CAMTA1: variants seen among roughly 807,000 people sequenced by gnomAD.
CAMTA1 encodes the protein calmodulin binding transcription activator 1.
Under a neutral mutation model 170.9 loss-of-function variants are expected in CAMTA1, and 27 were observed. The ratio of observed to expected loss-of-function variants is 0.16; its 90% CI spans 0.12 to 0.22. CAMTA1 has a LOEUF of 0.22. Ranked by LOEUF, CAMTA1 falls within the 10% of genes least tolerant of loss-of-function variation. The pLI, the probability that CAMTA1 is intolerant of heterozygous loss-of-function variation, is 1.00. For synonymous variants in CAMTA1, 833 were observed against 891.5 expected (o/e 0.93, Z 1.17); for missense variants, 1,619 against 2,217.2 (o/e 0.73, Z 5.42).
In CAMTA1 at chr1:7,536,958, C is replaced by T. The variant is rs117121656; in HGVS notation, c.510+69057C>T. ...TGCCCACATCTTCCTCGTCCCTCTG[C>T]CATCTCAAGACATCACCTGCTCCAG... On this transcript the variant is annotated intron_variant, in intron 6 of 22. Transcript: ENST00000303635. Among the ~76,000 whole-genome samples, 101 of 152,230 alleles carry T rather than the reference C, an allele frequency of 6.6e-4. 2 individuals are homozygous for T. The East Asian group carries it at 0.018, about 27-fold the overall frequency.
chr1:7,501,821 C>G (rs2094010364), intron 6 of CAMTA1, among the ~76,000 whole-genome samples: 1 of 152,104 alleles, frequency 6.6e-6, no homozygotes, highest in African/African-American at 2.4e-5. Flanking sequence ...TCTGGGGGTT[C>G]TAGGATGCAT....
intron 6 of CAMTA1, among the ~76,000 whole-genome samples, chr1:7,483,365 G>A (rs770658398): frequency 1.3e-5 from 2 of 152,120 alleles, no homozygotes; most frequent in African/African-American, 2.4e-5. Context: ...CCGTGGCAGC[G>A]ACAAGAAGCC....
intron 5 of CAMTA1, among the ~76,000 whole-genome samples, chr1:7,260,442 C>T (rs1376271008): frequency 6.6e-6 from 1 of 152,232 alleles, no homozygotes; most frequent in East Asian, 1.9e-4. Flanking sequence ...TAGGCAATGT[C>T]TCTTGCAAAG....
intron 5 of CAMTA1, among the ~76,000 whole-genome samples, chr1:7,323,507 C>CTTTTTTTTTTTTT (rs56382342): frequency 3.1e-4 from 34 of 108,984 alleles, no homozygotes; most frequent in African/African-American, 3.8e-4. Flanking sequence ...CTTTATTCTT[C>CTTTTTTTTTTTTT]TTTTTTTTTT....
chr1:7,156,228 C>T (rs1312342378), intron 4 of CAMTA1, among the ~76,000 whole-genome samples: 11 of 150,000 alleles, frequency 7.3e-5, no homozygotes, highest in African/African-American at 2.2e-4. Context: ...GAGCTGAGAT[C>T]GCCCCACTGC....
intron 5 of CAMTA1, among the ~76,000 whole-genome samples, chr1:7,400,698 G>T (rs1055007575): frequency 6.6e-6 from 1 of 152,128 alleles, no homozygotes; most frequent in Non-Finnish European, 1.5e-5. Context: ...CATTGGCTTT[G>T]GTTCCAGGTA....
intron 3 of CAMTA1, among the ~76,000 whole-genome samples, chr1:7,018,437 A>G (rs1700873142): frequency 6.6e-6 from 1 of 152,110 alleles, no homozygotes; most frequent in South Asian, 2.1e-4. Context: ...TTTTGCCATC[A>G]TCTTTACCCC....
chr1:6,997,656 CTTTCTTTT>C (rs1697490315), intron 3 of CAMTA1, among the ~76,000 whole-genome samples: 1 of 128,412 alleles, frequency 7.8e-6, no homozygotes, highest in African/African-American at 3.3e-5. Context: ...CCTTTCTTTT[CTTTCTTTT>C]TTTTTTTTTT....
intron 6 of CAMTA1, among the ~76,000 whole-genome samples, chr1:7,572,824 A>G (rs1379499290): frequency 1.3e-5 from 2 of 152,232 alleles, no homozygotes; most frequent in Non-Finnish European, 2.9e-5. Context: ...CAGAAGGGAA[A>G]TGGAAGACGA....
chr1:7,335,579 A>G (rs2083330016), intron 5 of CAMTA1, among the ~76,000 whole-genome samples: 1 of 152,156 alleles, frequency 6.6e-6, no homozygotes, highest in Non-Finnish European at 1.5e-5. Context: ...CCTGAGAGCC[A>G]TATACATCTC....
chr1:7,538,785 T>C (rs748625871), intron 6 of CAMTA1, among the ~76,000 whole-genome samples: 12 of 152,228 alleles, frequency 7.9e-5, no homozygotes, highest in African/African-American at 2.9e-4. Flanking sequence ...TGCCTCTCCA[T>C]TGGTGGCCCT....
intron 6 of CAMTA1, among the ~76,000 whole-genome samples, chr1:7,477,443 C>CA (rs2093438705): frequency 6.6e-6 from 1 of 152,212 alleles, no homozygotes; most frequent in South Asian, 2.1e-4. Flanking sequence ...CGGTGCTGTG[C>CA]AAAAAATTGC....
intron 5 of CAMTA1, among the ~76,000 whole-genome samples, chr1:7,458,651 GC>G (rs911069378): frequency 4.6e-5 from 7 of 152,206 alleles, no homozygotes; most frequent in African/African-American, 1.7e-4. Flanking sequence ...GGGAGCCTGG[GC>G]CTGAGCTGTG....
At chr1:7,382,684 T>C (rs1341315042) in intron 5 of CAMTA1, 2 of 152,220 alleles carry the variant, frequency 1.3e-5, no homozygotes, top group African/African-American at 4.8e-5. Flanking sequence ...CAATGTGAAA[T>C]GCGGCGCTCT....
At chr1:6,888,144 T>C (rs8918) in intron 3 of CAMTA1, 686,404 of 975,014 alleles carry the variant, frequency 0.7, 243,136 homozygotes, top group Admixed American at 0.78. Context: ...CCTTGTATCT[T>C]CAGTGCATAG....
Position 7,092,581 on chromosome 1 carries a change from A to T in CAMTA1, c.302+1210A>T, listed in dbSNP as rs1336460077. 1.3e-5 allele frequency among the ~76,000 whole-genome samples: 2 copies of T among 152,208 alleles called. No homozygotes were observed. The highest frequency in any genetic ancestry group is 4.8e-5 in the African/African-American group (2 of 41,452). On this transcript the variant is annotated intron_variant, in intron 4 of 22. Transcript: ENST00000303635. The surrounding 1 kb of genome is among the most constrained non-coding windows in gnomAD (Gnocchi z 5.0). ...GAGAATGGGAGGAGAGTCTGTCCGCAGGAGTCCCCAAAACCTCAGCCTGCT... is the reference window on the plus strand; with the variant it reads ...GAGAATGGGAGGAGAGTCTGTCCGCTGGAGTCCCCAAAACCTCAGCCTGCT...
chr1:7,640,439 G>A lies in CAMTA1; in HGVS notation c.550G>A (p.Ala184Thr), dbSNP rs773856072. 8 of 1,614,134 alleles carry A rather than the reference G, an allele frequency of 5.0e-6. No individual in the cohort carries two copies. In the South Asian group the frequency reaches 8.8e-5, roughly 18 times the overall value. Reference protein sequence around the residue: ...IVLVHYLNVPAIEDCGKPCGP... With the variant: ...IVLVHYLNVPTIEDCGKPCGP... ...CCTGGTGCACTACCTGAACGTGCCG[G>A]CCATCGAGGACTGCGGCAAGCCTTG... The change falls in exon 7 of 23, where the codon GCC becomes ACC. Residue 184 changes from alanine (A) to threonine (T), a missense_variant. By Grantham distance (58) the Ala-to-Thr change is moderately conservative. Coordinates refer to ENST00000303635, the MANE Select transcript of CAMTA1 (RefSeq NM_015215.4).
chr1:7,644,268 TC>T (rs1422598414), intron 7 of CAMTA1, among the ~76,000 whole-genome samples: 4 of 152,046 alleles, frequency 2.6e-5, no homozygotes, highest in Admixed American at 1.3e-4. Context: ...GAAGGGGGCT[TC>T]CCTTCCACCT....
chr1:7,317,962 GC>G (rs1469500960), intron 5 of CAMTA1, among the ~76,000 whole-genome samples: 3 of 152,182 alleles, frequency 2.0e-5, no homozygotes, highest in African/African-American at 7.2e-5. Flanking sequence ...GCCTATTGAG[GC>G]CCTTCCTACC....
Sources: allele counts gnomAD v4.1 joint callset (sites outside exome capture counted in the v4.1 genomes callset), GRCh38; gene constraint gnomAD v4.1.1; non-coding constraint Gnocchi (gnomAD v3.1); transcripts MANE v1.5; gene names NCBI Gene and HGNC (gene_info 2026-07-23, HGNC 2026-07-21).